VWC2: variants seen among roughly 807,000 people sequenced by gnomAD.
VWC2 encodes brorin.
In VWC2, 14 loss-of-function variants were observed where a neutral mutation model predicts 29.8. That is an observed-to-expected ratio of 0.47 (90% CI 0.31 to 0.74). The LOEUF is 0.74. Among genes scored for constraint, VWC2 ranks in the 30% least tolerant of loss-of-function variants. The probability of loss-of-function intolerance (pLI) is 0.05; values close to 1 mark genes in which losing one functional copy is unlikely to be tolerated. For missense variants in VWC2, 457 were observed against 459.8 expected (o/e 0.99, Z 0.05); for synonymous variants, 213 against 199.0 (o/e 1.07, Z -0.59).
intron 3 of VWC2, among the ~76,000 whole-genome samples, chr7:49,881,143 C>T (rs1292171004): frequency 6.6e-6 from 1 of 152,116 alleles, no homozygotes; most frequent in East Asian, 1.9e-4. Context: ...GACTTGTATT[C>T]AGTTGTCCTG....
intron 3 of VWC2, among the ~76,000 whole-genome samples, chr7:49,868,476 A>C (rs999332269): frequency 1.3e-5 from 2 of 152,230 alleles, no homozygotes; most frequent in Middle Eastern, 3.2e-3. Flanking sequence ...TGTATTTTAT[A>C]AAAATACCTA....
intron 3 of VWC2, among the ~76,000 whole-genome samples, chr7:49,854,399 G>A (rs1476182341): frequency 5.9e-5 from 9 of 151,932 alleles, no homozygotes; most frequent in African/African-American, 9.7e-5. Context: ...TTTAATGATC[G>A]CTATTCTAAC....
chr7:49,878,033 C>T (rs1249895589), intron 3 of VWC2, among the ~76,000 whole-genome samples: 1 of 152,072 alleles, frequency 6.6e-6, no homozygotes, highest in African/African-American at 2.4e-5. Flanking sequence ...CAGCTTTCCT[C>T]ATCTGTGAGC....
At chr7:49,876,573 AC>A (rs1791421959) in intron 3 of VWC2, among the ~76,000 whole-genome samples, 2 of 152,210 alleles carry the variant, frequency 1.3e-5, no homozygotes, top group South Asian at 4.1e-4. Flanking sequence ...TCAATTAAAT[AC>A]CTACTTGGAG....
At chr7:49,872,155 A>C (rs936608602) in intron 3 of VWC2, among the ~76,000 whole-genome samples, 14 of 152,206 alleles carry the variant, frequency 9.2e-5, no homozygotes, top group African/African-American at 3.4e-4. Context: ...CCAGTGAAAA[A>C]TATTTGATCA....
At chr7:49,782,375 G>A (rs998331302) in intron 2 of VWC2, among the ~76,000 whole-genome samples, 2 of 152,110 alleles carry the variant, frequency 1.3e-5, no homozygotes, top group African/African-American at 2.4e-5. Flanking sequence ...GGAGGTTTAG[G>A]AAAGCAGGTC....
intron 3 of VWC2, among the ~76,000 whole-genome samples, chr7:49,819,526 A>G (rs1002740153): frequency 1.3e-5 from 2 of 152,222 alleles, no homozygotes; most frequent in African/African-American, 2.4e-5. Context: ...ATTGTAGGGG[A>G]AAAATAACAT....
chr7:49,860,254 A>G (rs1326730354), intron 3 of VWC2, among the ~76,000 whole-genome samples: 1 of 152,160 alleles, frequency 6.6e-6, no homozygotes. Context: ...GTATCTCCTC[A>G]TTCCTGTCTA....
intron 3 of VWC2, among the ~76,000 whole-genome samples, chr7:49,865,256 T>C (rs1456340453): frequency 6.6e-6 from 1 of 152,176 alleles, no homozygotes; most frequent in South Asian, 2.1e-4. Flanking sequence ...GGAACAGTGA[T>C]GAAAGAGTTG....
chr7:49,909,080 G>A (rs1008186236), intron 3 of VWC2, among the ~76,000 whole-genome samples: 1 of 152,082 alleles, frequency 6.6e-6, no homozygotes, highest in Non-Finnish European at 1.5e-5. Context: ...GGCCCTGTGA[G>A]GTCTTATTAT....
intron 3 of VWC2, among the ~76,000 whole-genome samples, chr7:49,837,251 A>G (rs1016775821): frequency 6.6e-6 from 1 of 152,256 alleles, no homozygotes; most frequent in Admixed American, 6.5e-5. Context: ...TCAATGAACC[A>G]TGCAAACATT....
chr7:49,818,599 G>C (rs1231204774), intron 3 of VWC2, among the ~76,000 whole-genome samples: 1 of 151,964 alleles, frequency 6.6e-6, no homozygotes, highest in Non-Finnish European at 1.5e-5. Context: ...AGGACCCCGA[G>C]AGAGAGTAGA....
In VWC2 at chr7:49,829,283, T is replaced by A. The variant is rs183823413; in HGVS notation, c.826+26443T>A. Among the ~76,000 whole-genome samples the A allele has an allele frequency of 1.5e-3, 236 of 152,344 alleles. 1 individual carries two copies. The highest frequency in any genetic ancestry group is 5.5e-3 in the African/African-American group (230 of 41,584). ...AACACCAATGTGACTTGAGGTTTTT[T>A]AGAAAATCATATCCCAGTGACCAGC... On this transcript the variant is annotated intron_variant, in intron 3 of 3. Coordinates refer to ENST00000340652, the MANE Select transcript of VWC2 (RefSeq NM_198570.5).
intron 3 of VWC2, among the ~76,000 whole-genome samples, chr7:49,910,953 T>C (rs1446793371): frequency 6.6e-6 from 1 of 152,314 alleles, no homozygotes; most frequent in Non-Finnish European, 1.5e-5. Flanking sequence ...TTGTAATGTA[T>C]GGGAAAGTTT....
chr7:49,780,057 T>G (rs969535348), intron 2 of VWC2, among the ~76,000 whole-genome samples: 3 of 152,228 alleles, frequency 2.0e-5, no homozygotes, highest in Non-Finnish European at 4.4e-5. Context: ...AAACATAGTG[T>G]CAATGACCAA....
chr7:49,921,604 T>C lies in VWC2; in HGVS notation c.*9419T>C, dbSNP rs1794021061. The C allele has an allele frequency of 6.6e-6, 1 of 152,172 alleles. No individual in the cohort carries two copies. The highest frequency in any genetic ancestry group is 2.1e-4 in the South Asian group (1 of 4,830). The allele number at this position is 152,172 out of a possible 1,614,324, so 9.4% of individuals were successfully genotyped here. A position where few individuals can be genotyped will look rare whatever the true frequency, so the allele number is the denominator to read the frequency against. On this transcript the variant is annotated 3_prime_UTR_variant, in exon 4 of 4. Coordinates refer to ENST00000340652, the MANE Select transcript of VWC2 (RefSeq NM_198570.5). ...AGAGGATTAAATGAGTGAATATTTG[T>C]AAAACACGTAGCCTAGAATAGATAT...
chr7:49,800,230 TG>T (rs1199164921), intron 2 of VWC2, among the ~76,000 whole-genome samples: 2 of 152,166 alleles, frequency 1.3e-5, no homozygotes, highest in African/African-American at 4.8e-5. Flanking sequence ...TTTGCCAAGG[TG>T]TGCACCTTCA....
Position 49,776,029 on chromosome 7 carries a change from C to G in VWC2, c.594C>G (p.Arg198=). ...AQPECPRLHP[R]CIHVDTSQCC... is the part of the protein sequence containing the mutation. ...CCGAGTGCCCGAGGCTGCACCCGCG[C>G]TGCATCCACGTCGACACGAGCCAGT... Residue 198 remains arginine (R), a synonymous_variant, in exon 2 of 4, where the codon CGC becomes CGG. Transcript: ENST00000340652. 1.3e-6 allele frequency: 2 copies of G among 1,546,518 alleles called. No homozygotes were observed. Among genetic ancestry groups the G allele is most frequent in the Non-Finnish European group, 1.7e-6 (2 of 1,151,380 alleles).
intron 3 of VWC2, among the ~76,000 whole-genome samples, chr7:49,830,825 A>G (rs1039768977): frequency 2.6e-5 from 4 of 152,146 alleles, no homozygotes; most frequent in African/African-American, 7.2e-5. Context: ...AGCTTCATCC[A>G]TGTCCCTACA....
Sources: allele counts gnomAD v4.1 joint callset (sites outside exome capture counted in the v4.1 genomes callset), GRCh38; gene constraint gnomAD v4.1.1; transcripts MANE v1.5; gene names NCBI Gene and HGNC (gene_info 2026-07-23, HGNC 2026-07-21).